Variants in SLC25A53 observed in about 807,000 individuals in gnomAD.
SLC25A53 encodes mitochondrial carrier triple repeat protein 6.
A neutral mutation model predicts 15.0 loss-of-function variants in SLC25A53; 5 were observed. The ratio of observed to expected loss-of-function variants is 0.33; its 90% CI spans 0.17 to 0.70. SLC25A53 has a LOEUF of 0.70. Among genes scored for constraint, SLC25A53 ranks in the 30% least tolerant of loss-of-function variants. The pLI, the probability that SLC25A53 is intolerant of heterozygous loss-of-function variation, is 0.67. For synonymous variants in SLC25A53, 95 were observed against 100.0 expected, an observed-to-expected ratio of 0.95 and a Z score of 0.30; for missense variants, 216 against 241.6, an observed-to-expected ratio of 0.89 and a Z score of 0.70.
chrX:104,148,202 C>CA (rs1556369551), intron 1 of SLC25A53, among the ~76,000 whole-genome samples: 1 of 105,590 alleles, frequency 9.5e-6, no homozygotes. Flanking sequence ...ATTGCAAGGA[C>CA]AAAAAATCAA....
At chrX:104,135,910 T>C (rs2075435482) in intron 1 of SLC25A53, among the ~76,000 whole-genome samples, 1 of 111,606 alleles carries the variant, frequency 9.0e-6, no homozygotes, top group Non-Finnish European at 1.9e-5. Flanking sequence ...CATGATGCAA[T>C]AAGTCCTGTG....
intron 1 of SLC25A53, among the ~76,000 whole-genome samples, chrX:104,123,614 C>A (rs375981160): frequency 9.1e-6 from 1 of 109,309 alleles, no homozygotes; most frequent in South Asian, 4.0e-4. Flanking sequence ...ATGTGCAGAA[C>A]GTGCAGGTTA....
intron 1 of SLC25A53, among the ~76,000 whole-genome samples, 197 bp from the exon 2 acceptor site, chrX:104,105,485 A>G (rs1449970720): frequency 4.4e-5 from 5 of 112,481 alleles, no homozygotes; most frequent in East Asian, 2.8e-4. Context: ...AAAGGCAATC[A>G]GTTTTTCTGG....
intron 1 of SLC25A53, among the ~76,000 whole-genome samples, chrX:104,127,906 G>A (rs2075415329): frequency 9.0e-6 from 1 of 111,334 alleles, no homozygotes; most frequent in Non-Finnish European, 1.9e-5. Context: ...GGAGATTGCA[G>A]TGAGCTGAGA....
At chrX:104,114,165 G>C (rs782741755) in intron 1 of SLC25A53, 8 of 1,209,835 alleles carry the variant, frequency 6.6e-6, no homozygotes, top group Non-Finnish European at 8.9e-6. Flanking sequence ...ATGCACCTTT[G>C]CCGCCTTGGG....
chrX:104,123,101 C>T (rs781834749), intron 1 of SLC25A53, among the ~76,000 whole-genome samples: 6 of 112,306 alleles, frequency 5.3e-5, no homozygotes, highest in Non-Finnish European at 1.1e-4. Flanking sequence ...ATCATAACGA[C>T]ACCAATCGCT....
At chrX:104,124,429 G>C (rs961966077) in intron 1 of SLC25A53, among the ~76,000 whole-genome samples, 19 of 111,352 alleles carry the variant, frequency 1.7e-4, no homozygotes, top group Non-Finnish European at 3.2e-4. Flanking sequence ...TTGTAAATTG[G>C]TTAATGTTTT....
chrX:104,151,432 A>G (rs782627080), intron 1 of SLC25A53, among the ~76,000 whole-genome samples: 69 of 111,516 alleles, frequency 6.2e-4, no homozygotes, highest in African/African-American at 2.2e-3. Context: ...TGACATTATC[A>G]TTACCCTTTT....
rs143486683 is a variant in SLC25A53 at position 104,137,879 on chromosome X, C to A, written c.-32+18999G>T. Among the ~76,000 whole-genome samples the A allele has an allele frequency of 1.1e-4, 12 of 112,051 alleles. No homozygotes were observed. The East Asian group carries it at 3.4e-3, about 31-fold the overall frequency. On this transcript the variant is annotated intron_variant, in intron 1 of 1. Transcript: ENST00000594199. ...GTCTCCTTTTCAGAGACCTTTTGTTCACAGATGTTCTGTCTCAAATATAGA... is the reference window on the plus strand; with the variant it reads ...GTCTCCTTTTCAGAGACCTTTTGTTAACAGATGTTCTGTCTCAAATATAGA...
At chrX:104,156,452 T>C (rs1347650142) in intron 1 of SLC25A53, among the ~76,000 whole-genome samples, 1 of 111,392 alleles carries the variant, frequency 9.0e-6, no homozygotes, top group African/African-American at 3.3e-5. Flanking sequence ...CTTGGTATTT[T>C]GGTAAGGGAA....
rs1243997876 is a variant in SLC25A53, at chrX:104,101,815, T to C, written c.*2519A>G. On this transcript the variant is annotated 3_prime_UTR_variant, in exon 2 of 2. Transcript: ENST00000594199. ...AGCAAATGGGGAGAAACATTAATAA[T>C]AGGGGAATTAGGGTAAAGGGGACAT... 2.7e-5 allele frequency: 3 copies of C among 111,681 alleles called. No homozygotes were observed. Among genetic ancestry groups the C allele is most frequent in the African/African-American group, 6.5e-5 (2 of 30,723 alleles). 9.2% of individuals were successfully genotyped at this position (111,681 alleles called of 1,213,427 possible).
chrX:104,146,044 T>C lies in SLC25A53; in HGVS notation c.-32+10834A>G, dbSNP rs782471967. 5.4e-5 allele frequency among the ~76,000 whole-genome samples: 6 copies of C among 112,067 alleles called. No individual in the cohort carries two copies. In the East Asian group the frequency reaches 1.4e-3, roughly 26 times the overall value. On this transcript the variant is annotated intron_variant, in intron 1 of 1. Coordinates refer to ENST00000594199, the MANE Select transcript of SLC25A53 (RefSeq NM_001012755.5). ...GACCAATATCCCTGATGAACATCAATGTGAAAATCCTCAATAAAATGCTGG... is the reference window on the plus strand; with the variant it reads ...GACCAATATCCCTGATGAACATCAACGTGAAAATCCTCAATAAAATGCTGG...
intron 1 of SLC25A53, among the ~76,000 whole-genome samples, chrX:104,155,873 G>A (rs1237996444): frequency 9.1e-6 from 1 of 109,736 alleles, no homozygotes; most frequent in African/African-American, 3.3e-5. Context: ...GTAAAACCCC[G>A]TCTCTACTAA....
At position 104,148,050 on chromosome X, in the gene SLC25A53, C is replaced by T. The variant is rs1319257822; in HGVS notation, c.-32+8828G>A. Reference sequence around the variant, plus strand: ...ACAATAGCAAAGACTTGGAACCAACCCAAATGTCCAACAATGATAGACTGG... The same window carrying T: ...ACAATAGCAAAGACTTGGAACCAACTCAAATGTCCAACAATGATAGACTGG... On this transcript the variant is annotated intron_variant, in intron 1 of 1. Transcript: ENST00000594199. 8.1e-4 allele frequency among the ~76,000 whole-genome samples: 90 copies of T among 110,969 alleles called. 2 individuals carry two copies. Among genetic ancestry groups the T allele is most frequent in the African/African-American group, 2.9e-3 (87 of 30,471 alleles).
intron 1 of SLC25A53, among the ~76,000 whole-genome samples, chrX:104,123,395 T>C (rs782536965): frequency 8.9e-6 from 1 of 112,255 alleles, no homozygotes; most frequent in African/African-American, 3.2e-5. Context: ...GTAGCTCAAA[T>C]TCCCCACAGA....
At chrX:104,126,577 C>G (rs2075411623) in intron 1 of SLC25A53, among the ~76,000 whole-genome samples, 1 of 110,928 alleles carries the variant, frequency 9.0e-6, no homozygotes, top group Admixed American at 9.6e-5. Context: ...TTACTTGAGT[C>G]CACATCAAAG....
chrX:104,156,629 G>C (rs1302000284), intron 1 of SLC25A53, among the ~76,000 whole-genome samples: 1 of 106,426 alleles, frequency 9.4e-6, no homozygotes, highest in Non-Finnish European at 1.9e-5. Context: ...CATAGACCCC[G>C]CCTGTCCCCA....
chrX:104,118,764 C>T (rs901915260), intron 1 of SLC25A53, among the ~76,000 whole-genome samples: 6 of 112,373 alleles, frequency 5.3e-5, no homozygotes, highest in African/African-American at 1.9e-4. Flanking sequence ...ATGTGCACAG[C>T]ACCCCATGAG....
intron 1 of SLC25A53, among the ~76,000 whole-genome samples, chrX:104,155,334 A>AT (rs1355894400): frequency 9.0e-6 from 1 of 110,626 alleles, no homozygotes; most frequent in African/African-American, 3.3e-5. Context: ...GTATGGCCCC[A>AT]TGTCCAGGAG....
Sources: allele counts gnomAD v4.1 joint callset (sites outside exome capture counted in the v4.1 genomes callset), GRCh38; gene constraint gnomAD v4.1.1; transcripts MANE v1.5; gene names NCBI Gene and HGNC (gene_info 2026-07-23, HGNC 2026-07-21).